The following ABCA13 variants were observed in gnomAD, a reference collection of about 807,000 sequenced individuals.
ABCA13 encodes ATP-binding cassette sub-family A member 13.
Under a neutral mutation model 478.7 loss-of-function variants are expected in ABCA13, and 476 were observed. The observed-to-expected ratio is 0.99, with a 90% CI of 0.92 to 1.07. The LOEUF (loss-of-function observed/expected upper bound fraction) is 1.07, where lower values mean the gene tolerates loss of function less well. ABCA13 is among the 50% of genes least tolerant of loss of function. The pLI is 0.00. For synonymous variants in ABCA13, 2,252 were observed against 2,158.9 expected, an observed-to-expected ratio of 1.04 and a Z score of -1.20; for missense variants, 6,060 against 5,910.6, an observed-to-expected ratio of 1.03 and a Z score of -0.83.
At position 48,189,025 on chromosome 7, in the gene ABCA13, C is replaced by T. The variant is rs551777102; in HGVS notation, c.70-3934C>T. Among the ~76,000 whole-genome samples the T allele has an allele frequency of 2.0e-5, 3 of 152,224 alleles. 1 individual carries two copies. In the South Asian group the frequency reaches 6.2e-4, roughly 32 times the overall value. ...GGTAGTGGGGGCATTGTTTTGTTAA[C>T]TGCTAATAGGTTTACCAGACGGTTA... On this transcript the variant is annotated intron_variant, in intron 1 of 61. Transcript: ENST00000435803.
chr7:48,227,154 A>G, intron 5 of ABCA13, 108 bp from the exon 6 acceptor site: 1 of 1,037,802 alleles, frequency 9.6e-7, no homozygotes, highest in Non-Finnish European at 1.5e-6. Flanking sequence ...GTGAGTTTCT[A>G]CTAGGAGAAT....
At chr7:48,291,268 G>T (rs762186335) in intron 20 of ABCA13, among the ~76,000 whole-genome samples, 10 of 152,314 alleles carry the variant, frequency 6.6e-5, no homozygotes, top group Non-Finnish European at 1.3e-4. Flanking sequence ...AAAGAAGTCT[G>T]TACCCTTGAG....
chr7:48,465,784 AT>A lies in ABCA13; in HGVS notation c.12816-1163del, dbSNP rs202010801. Among the ~76,000 whole-genome samples the A allele has an allele frequency of 4.3e-3, 646 of 150,788 alleles. 8 individuals carry two copies. The highest frequency in any genetic ancestry group is 0.015 in the African/African-American group (597 of 41,156). Reference sequence around the variant, plus strand: ...GCTGTGCTATCGAACACTAGTACCTATTTTTTTTTATAACTGTATGTTTGTA... The same window carrying A: ...GCTGTGCTATCGAACACTAGTACCTATTTTTTTTATAACTGTATGTTTGTA... On this transcript the variant is annotated intron_variant, in intron 43 of 61. Transcript: ENST00000435803.
chr7:48,580,173 G>A (rs1788574444), intron 55 of ABCA13, 51 bp from the exon 56 acceptor site: 2 of 1,512,368 alleles, frequency 1.3e-6, no homozygotes, highest in African/African-American at 2.8e-5. Context: ...AAATGGGTTG[G>A]TGCCAGTTTG....
At chr7:48,525,304 C>G in intron 54 of ABCA13, among the ~76,000 whole-genome samples, 1 of 151,954 alleles carries the variant, frequency 6.6e-6, no homozygotes, top group Non-Finnish European at 1.5e-5. Context: ...TGCAATCTTA[C>G]CCATCTTATT....
At chr7:48,514,801 T>C (rs1304761001) in intron 51 of ABCA13, among the ~76,000 whole-genome samples, 1 of 152,194 alleles carries the variant, frequency 6.6e-6, no homozygotes, top group African/African-American at 2.4e-5. Context: ...TCATGACTTA[T>C]CTCTCTGGTA....
At chr7:48,527,020 T>G (rs1040781626) in intron 54 of ABCA13, among the ~76,000 whole-genome samples, 1 of 152,134 alleles carries the variant, frequency 6.6e-6, no homozygotes, top group Non-Finnish European at 1.5e-5. Flanking sequence ...AACTGAAAGG[T>G]GCATGAGTGG....
At chr7:48,503,423 T>C (rs1830929532) in intron 48 of ABCA13, among the ~76,000 whole-genome samples, 1 of 152,196 alleles carries the variant, frequency 6.6e-6, no homozygotes, top group South Asian at 2.1e-4. Flanking sequence ...TTTGTATCCT[T>C]TGACTAACAT....
Position 48,352,288 on chromosome 7 carries a change from C to G in ABCA13, c.10489C>G (p.Arg3497Gly). ...TIRTNVLYSV[R>G]TDVVKNPSWK... Reference sequence around the variant, plus strand: ...CCGGACCAATGTGTTATACAGCGTGCGAACAGATGTGGTAAAAAACCCTTC... The same window carrying G: ...CCGGACCAATGTGTTATACAGCGTGGGAACAGATGTGGTAAAAAACCCTTC... The change falls in exon 31 of 62, where the codon CGA becomes GGA. Residue 3497 changes from arginine to glycine, a missense_variant. By Grantham distance (125) the Arg-to-Gly change is moderately radical (BLOSUM62 -2). Around this residue, in one of 3 missense-constraint regions of ABCA13, gnomAD observed 4,423 missense variants for 4,309.1 expected, o/e 1.03. Transcript: ENST00000435803. 6.2e-7 allele frequency: 1 copy of G among 1,613,812 alleles called. No individual in the cohort carries two copies. The highest frequency in any genetic ancestry group is 8.5e-7 in the Non-Finnish European group (1 of 1,179,878).
At chr7:48,248,524 A>C in intron 14 of ABCA13, 80 bp downstream of exon 14, 1 of 1,140,556 alleles carries the variant, frequency 8.8e-7, no homozygotes, top group East Asian at 2.4e-5. Flanking sequence ...CACAAATGAT[A>C]GATCAATATG....
At chr7:48,253,939 CTG>C (rs1358015681) in intron 15 of ABCA13, among the ~76,000 whole-genome samples, 1 of 149,692 alleles carries the variant, frequency 6.7e-6, no homozygotes, top group East Asian at 1.9e-4. Flanking sequence ...GTGTGTGTGT[CTG>C]TGTGTGTGTT....
At chr7:48,459,301 C>T (rs752050617) in intron 43 of ABCA13, among the ~76,000 whole-genome samples, 1 of 152,082 alleles carries the variant, frequency 6.6e-6, no homozygotes, top group African/African-American at 2.4e-5. Context: ...ATGATATTGC[C>T]ACATCTTAGC....
At position 48,389,209 on chromosome 7, in the gene ABCA13, A is replaced by C. The variant is rs1434772890; in HGVS notation, c.11643A>C (p.Lys3881Asn). ...TGCTGGGGACAAACGGTGCCGGGAA[A>C]ACCACTATCATGTGGGTCCCATTTT... ...TALLGTNGAG[K>N]TTIISMLTGL... is the part of the protein sequence containing the mutation. Residue 3881 changes from lysine (K) to asparagine (N), a missense_variant, in exon 37 of 62, where the codon AAA becomes AAC. Lys to Asn is a moderately conservative substitution (Grantham distance 94). Around this residue, in one of 3 missense-constraint regions of ABCA13, gnomAD observed 1,627 missense variants for 1,571.0 expected, o/e 1.04. Transcript: ENST00000435803. The C allele has an allele frequency of 1.2e-6, 2 of 1,613,298 alleles. No individual in the cohort carries two copies. Among genetic ancestry groups the C allele is most frequent in the Admixed American group, 3.3e-5 (2 of 59,900 alleles).
rs141844498 is a variant in ABCA13 at position 48,494,761 on chromosome 7, GA to G, written c.13291+5418del. ...AAAGATAAGAAGAAAATGCCAGGCT[GA>G]GCTGCAGTGTGTTACAAAAACGGAG... On this transcript the variant is annotated intron_variant, in intron 48 of 61. Coordinates refer to ENST00000435803, the MANE Select transcript of ABCA13 (RefSeq NM_152701.5). Among the ~76,000 whole-genome samples the G allele has an allele frequency of 9.9e-3, 1,504 of 152,310 alleles. 30 individuals carry two copies. The highest frequency in any genetic ancestry group is 0.034 in the African/African-American group (1,405 of 41,576).
At chr7:48,309,186 G>A (rs933770769) in intron 23 of ABCA13, among the ~76,000 whole-genome samples, 1 of 151,808 alleles carries the variant, frequency 6.6e-6, no homozygotes, top group Admixed American at 6.6e-5. Flanking sequence ...CAGAGAGCAT[G>A]GTTCCTATTC....
intron 8 of ABCA13, among the ~76,000 whole-genome samples, chr7:48,237,016 T>G (rs866382922): frequency 0.26 from 36,718 of 143,654 alleles, 5,490 homozygotes; most frequent in Middle Eastern, 0.37. Context: ...GGTAGGGTTT[T>G]TTTTTTTTTT....
rs1305007213 is a variant in ABCA13, at chr7:48,478,978, C to T, written c.12976-2058C>T. Among the ~76,000 whole-genome samples, 8 of 145,042 alleles carry T rather than the reference C, an allele frequency of 5.5e-5. No homozygotes were observed. In the East Asian group the frequency reaches 1.2e-3, roughly 22 times the overall value. ...TTTTTTTTTTTTTGAGATGTAGTCT[C>T]GCTCTGTCGCCCAGGCTGGAGTGCA... On this transcript the variant is annotated intron_variant, in intron 45 of 61. Coordinates refer to ENST00000435803, the MANE Select transcript of ABCA13 (RefSeq NM_152701.5).
chr7:48,549,182 T>A (rs914573955), intron 55 of ABCA13, among the ~76,000 whole-genome samples: 2 of 151,778 alleles, frequency 1.3e-5, no homozygotes, highest in South Asian at 4.2e-4. Flanking sequence ...CTTGCATGCA[T>A]TAGGTATTTG....
intron 5 of ABCA13, among the ~76,000 whole-genome samples, chr7:48,225,508 CA>C (rs1788082228): frequency 1.3e-5 from 2 of 152,062 alleles, no homozygotes; most frequent in African/African-American, 4.8e-5. Flanking sequence ...CCAGATTTGC[CA>C]ATTGTTCTAA....
Sources: allele counts gnomAD v4.1 joint callset (sites outside exome capture counted in the v4.1 genomes callset), GRCh38; gene constraint gnomAD v4.1.1; regional missense constraint gnomAD v4.1.1; transcripts MANE v1.5; gene names NCBI Gene and HGNC (gene_info 2026-07-23, HGNC 2026-07-21).